PTDSS2: variants seen among roughly 807,000 people sequenced by gnomAD.
PTDSS2 encodes the protein phosphatidylserine synthase 2.
Under a neutral mutation model 64.7 loss-of-function variants are expected in PTDSS2, and 41 were observed. The ratio of observed to expected loss-of-function variants is 0.63; its 90% CI spans 0.49 to 0.82. The LOEUF is 0.82. PTDSS2 is among the 40% of genes least tolerant of loss of function. The probability of loss-of-function intolerance (pLI) is 0.00; values close to 1 mark genes in which losing one functional copy is unlikely to be tolerated. For synonymous variants in PTDSS2, 297 were observed against 277.8 expected (o/e 1.07, Z -0.69); for missense variants, 485 against 650.0 (o/e 0.75, Z 2.76).
chr11:481,240 T>C (rs1848058845), intron 4 of PTDSS2, among the ~76,000 whole-genome samples: 1 of 152,174 alleles, frequency 6.6e-6, no homozygotes, highest in African/African-American at 2.4e-5. Context: ...GGATTGGTCA[T>C]GATCTAGTAG....
rs1055511461 is a variant in PTDSS2, at chr11:461,312, C to G, written c.284+1024C>G. Among the ~76,000 whole-genome samples, 1 of 152,200 alleles carries G rather than the reference C, an allele frequency of 6.6e-6. No homozygotes were observed. The highest frequency in any genetic ancestry group is 1.9e-4 in the East Asian group (1 of 5,204). On this transcript the variant is annotated intron_variant, in intron 2 of 11. Transcript: ENST00000308020. This position sits in a 1 kb window ranked among gnomAD's most constrained non-coding sequence, Gnocchi z 4.2. The stretch of plus-strand genomic sequence containing the variant: ...GCCCTGTTTGCCCACTGATTTGACA[C>G]CAGCCCTGTGGGCTCTAGAACACAA...
chr11:487,491 G>A lies in PTDSS2; in HGVS notation c.621+21G>A, dbSNP rs201395683. ...TGAAGGTACGGCACCTCCTCTTCCCGGCCTCCCCGCCCCGGTTCTGAGGCC... is the reference window on the plus strand; with the variant it reads ...TGAAGGTACGGCACCTCCTCTTCCCAGCCTCCCCGCCCCGGTTCTGAGGCC... On this transcript the variant is annotated intron_variant, in intron 6 of 11. Coordinates refer to ENST00000308020, the MANE Select transcript of PTDSS2 (RefSeq NM_030783.3). The A allele has an allele frequency of 1.9e-5, 30 of 1,612,314 alleles. No homozygotes were observed. The East Asian group carries it at 3.1e-4, about 17-fold the overall frequency.
chr11:458,486 T>G (rs1032242481), intron 1 of PTDSS2, among the ~76,000 whole-genome samples: 3 of 150,084 alleles, frequency 2.0e-5, no homozygotes, highest in Admixed American at 6.7e-5. Flanking sequence ...ATTATAGGCG[T>G]GAGCCACCGC....
At chr11:474,348 G>A (rs1367333694) in intron 3 of PTDSS2, among the ~76,000 whole-genome samples, 2 of 151,508 alleles carry the variant, frequency 1.3e-5, no homozygotes, top group South Asian at 2.1e-4. Flanking sequence ...GTGAGGCCAG[G>A]GACTGTGGGC....
chr11:474,475 G>A (rs975464331), intron 3 of PTDSS2, among the ~76,000 whole-genome samples: 1 of 151,476 alleles, frequency 6.6e-6, no homozygotes, highest in Non-Finnish European at 1.5e-5. Context: ...CCATGGGCGG[G>A]TGGGTGAGGG....
At chr11:473,417 C>T (rs773200660) in intron 2 of PTDSS2, among the ~76,000 whole-genome samples, 9 of 152,200 alleles carry the variant, frequency 5.9e-5, no homozygotes, top group African/African-American at 9.6e-5. Context: ...CCTACGTGGG[C>T]TTTGTGATCA....
intron 4 of PTDSS2, among the ~76,000 whole-genome samples, chr11:481,046 T>C (rs1848047776): frequency 1.3e-5 from 2 of 149,344 alleles, no homozygotes; most frequent in Non-Finnish European, 3.0e-5. Context: ...ATCACGCCAC[T>C]GCACTCCAGC....
chr11:454,135 A>G (rs778226499), intron 1 of PTDSS2, among the ~76,000 whole-genome samples: 36 of 152,156 alleles, frequency 2.4e-4, no homozygotes, highest in Admixed American at 5.2e-4. Context: ...GAGCTCACTA[A>G]TACGGACCTT....
At chr11:451,576 C>T in intron 1 of PTDSS2, 1 of 236,750 alleles carries the variant, frequency 4.2e-6, no homozygotes, top group Non-Finnish European at 9.1e-6. Flanking sequence ...GTGTGGGAGA[C>T]AGGCGCCTGC....
intron 10 of PTDSS2, 63 bp from the exon 11 acceptor site, chr11:489,819 TG>T: frequency 6.5e-7 from 1 of 1,549,086 alleles, no homozygotes; most frequent in Non-Finnish European, 8.7e-7. Flanking sequence ...GGCCGGAGCC[TG>T]GGCAAGTCCG....
intron 2 of PTDSS2, among the ~76,000 whole-genome samples, chr11:468,852 A>G: frequency 8.1e-6 from 1 of 123,968 alleles, no homozygotes; most frequent in South Asian, 2.8e-4. Flanking sequence ...GGAGTCTCTG[A>G]GATGGAGGGG....
In PTDSS2 at chr11:472,925, G is replaced by A. The variant is rs189541991; in HGVS notation, c.285-970G>A. Among the ~76,000 whole-genome samples the A allele has an allele frequency of 1.3e-4, 20 of 152,362 alleles. No individual in the cohort carries two copies. In the East Asian group the frequency reaches 2.3e-3, roughly 18 times the overall value. On this transcript the variant is annotated intron_variant, in intron 2 of 11. Transcript: ENST00000308020. Reference sequence around the variant, plus strand: ...ACTGTCGGCACGGCACTGCCGAGCCGTGGGAGGGACTGGGTGGTGCAGCGG... The same window carrying A: ...ACTGTCGGCACGGCACTGCCGAGCCATGGGAGGGACTGGGTGGTGCAGCGG...
chr11:458,388 G>C (rs1481856894), intron 1 of PTDSS2, among the ~76,000 whole-genome samples: 1 of 151,388 alleles, frequency 6.6e-6, no homozygotes, highest in Non-Finnish European at 1.5e-5. Flanking sequence ...TGTATTTTTA[G>C]TAGAGATGGG....
At chr11:449,852 A>G (rs761059709), upstream of PTDSS2, among the ~76,000 whole-genome samples, 4 of 152,162 alleles carry the variant, frequency 2.6e-5, no homozygotes, top group Non-Finnish European at 5.9e-5. Flanking sequence ...GAAGCTTGAG[A>G]CAGAAGAATC....
chr11:481,190 T>C (rs1848056214), intron 4 of PTDSS2, among the ~76,000 whole-genome samples: 1 of 152,104 alleles, frequency 6.6e-6, no homozygotes, highest in Non-Finnish European at 1.5e-5. Flanking sequence ...CAGTGACAGT[T>C]TCTCAGGCCC....
At chr11:469,500 A>T (rs1225665227) in intron 2 of PTDSS2, among the ~76,000 whole-genome samples, 1 of 149,908 alleles carries the variant, frequency 6.7e-6, no homozygotes, top group African/African-American at 2.5e-5. Context: ...GGAGGAGGGG[A>T]GTCTCTGGGT....
chr11:484,590 G>A (rs1380772550), intron 4 of PTDSS2, among the ~76,000 whole-genome samples: 2 of 150,150 alleles, frequency 1.3e-5, no homozygotes, highest in Admixed American at 6.6e-5. Context: ...TGTAAATAGT[G>A]CATGGGCGTG....
In PTDSS2 at chr11:479,260, A is replaced by G. The variant is rs541931840; in HGVS notation, c.435+108A>G. On this transcript the variant is annotated intron_variant, in intron 4 of 11. Coordinates refer to ENST00000308020, the MANE Select transcript of PTDSS2 (RefSeq NM_030783.3). The surrounding 1 kb of genome is among the most constrained non-coding windows in gnomAD (Gnocchi z 4.2). Reference sequence around the variant, plus strand: ...ACACAGCCCTCGAGTGATGGGAGGAAGCAGGGCTAGACCCCCACAAAGTAG... The same window carrying G: ...ACACAGCCCTCGAGTGATGGGAGGAGGCAGGGCTAGACCCCCACAAAGTAG... 2 of 955,706 alleles carry G rather than the reference A, an allele frequency of 2.1e-6. No individual in the cohort carries two copies. Among genetic ancestry groups the G allele is most frequent in the African/African-American group, 3.2e-5 (2 of 62,410 alleles). The allele number at this position is 955,706 out of a possible 1,614,324, so 59.2% of individuals were successfully genotyped here.
chr11:451,625 G>A (rs1846333594), intron 1 of PTDSS2: 1 of 239,344 alleles, frequency 4.2e-6, no homozygotes, highest in South Asian at 3.7e-5. Context: ...ACGCTTCCAA[G>A]AGAACCATGC....
Sources: allele counts gnomAD v4.1 joint callset (sites outside exome capture counted in the v4.1 genomes callset), GRCh38; gene constraint gnomAD v4.1.1; non-coding constraint Gnocchi (gnomAD v3.1); transcripts MANE v1.5; gene names NCBI Gene and HGNC (gene_info 2026-07-23, HGNC 2026-07-21).